The following DCST1 variants were observed in gnomAD, a reference collection of about 807,000 sequenced individuals.
The protein encoded by DCST1 is DC-STAMP domain containing 1.
Under a neutral mutation model 89.1 loss-of-function variants are expected in DCST1, and 78 were observed. The observed-to-expected ratio is 0.88, with a 90% CI of 0.73 to 1.06. The LOEUF (loss-of-function observed/expected upper bound fraction) is 1.06. Ranked by LOEUF, DCST1 falls within the 50% of genes least tolerant of loss-of-function variation. The pLI, the probability that DCST1 is intolerant of heterozygous loss-of-function variation, is 0.00. For missense variants in DCST1, 900 were observed against 928.6 expected (o/e 0.97, Z 0.40); for synonymous variants, 364 against 371.9 (o/e 0.98, Z 0.24).
chr1:155,042,985 CAAGGAGGGGGAA>C, intron 9 of DCST1, 129 bp downstream of exon 9: 6 of 1,318,522 alleles, frequency 4.6e-6, no homozygotes, highest in Non-Finnish European at 4.0e-6. Context: ...GGGAGGGGGA[CAAGGAGGGGGAA>C]TGTCGCTGGT....
intron 13 of DCST1, 85 bp downstream of exon 13, chr1:155,046,571 T>C (rs1660639205): frequency 1.4e-6 from 2 of 1,452,150 alleles, no homozygotes; most frequent in Admixed American, 1.9e-5. Flanking sequence ...CCACCCTAGT[T>C]CTTCCAACTG....
Position 155,041,595 on chromosome 1 carries a change from A to AC in DCST1, c.732dup (p.Lys245GlnfsTer20). On this transcript the variant is annotated frameshift_variant, in exon 7 of 17. Transcript: ENST00000295542. LOFTEE classifies it high-confidence loss of function. ...GACACAGAAGATGTATGAGCTGAAG[A>AC]CCAAGCTGCGTTGCTCCTGTGAGGG... The AC allele has an allele frequency of 6.2e-7, 1 of 1,614,132 alleles. No individual in the cohort carries two copies. The highest frequency in any genetic ancestry group is 1.3e-5 in the African/African-American group (1 of 75,026).
intron 4 of DCST1, among the ~76,000 whole-genome samples, chr1:155,037,873 T>A (rs1374882895): frequency 6.6e-6 from 1 of 152,274 alleles, no homozygotes; most frequent in Non-Finnish European, 1.5e-5. Context: ...ATTTGTCAAC[T>A]ATTAGCCTCA....
intron 10 of DCST1, 26 bp from the exon 11 acceptor site, chr1:155,045,867 A>T (rs1291786739): frequency 6.3e-7 from 1 of 1,588,400 alleles, no homozygotes; most frequent in Non-Finnish European, 8.6e-7. Context: ...GAAGAGATGG[A>T]GACATCCCTG....
At position 155,048,182 on chromosome 1, in the gene DCST1, C is replaced by T. The variant is rs761239214; in HGVS notation, c.1869+12C>T. ...AGCAGAAGGCTCCGGTAAGTCCAGGCGTAAGTGCTGCTGCCAGCTCCTGGC... is the reference window on the plus strand; with the variant it reads ...AGCAGAAGGCTCCGGTAAGTCCAGGTGTAAGTGCTGCTGCCAGCTCCTGGC... On this transcript the variant is annotated intron_variant, in intron 16 of 16. Transcript: ENST00000295542. 5.6e-6 allele frequency: 9 copies of T among 1,610,190 alleles called. No homozygotes were observed. Among genetic ancestry groups the T allele is most frequent in the South Asian group, 4.4e-5 (4 of 90,782 alleles).
chr1:155,040,147 C>A lies in DCST1; in HGVS notation c.392-338C>A, dbSNP rs1267660847. 5.3e-5 allele frequency among the ~76,000 whole-genome samples: 8 copies of A among 150,372 alleles called. No homozygotes were observed. The East Asian group carries it at 1.6e-3, about 30-fold the overall frequency. On this transcript the variant is annotated intron_variant, in intron 5 of 16. Coordinates refer to ENST00000295542, the MANE Select transcript of DCST1 (RefSeq NM_152494.4). The stretch of plus-strand genomic sequence containing the variant: ...GAAACCCCGTCTCTACTAAAAATAC[C>A]AAAAAATTAGCCAGACATGGTGGCG...
At chr1:155,048,286 C>T (rs138943200) in intron 16 of DCST1, 116 bp downstream of exon 16, 5 of 788,720 alleles carry the variant, frequency 6.3e-6, no homozygotes, top group Middle Eastern at 5.2e-4. Context: ...CCTACTCGAG[C>T]CTGGTAAGTT....
rs183626611 is a variant in DCST1 at position 155,044,408 on chromosome 1, G to T, written c.1172+899G>T. Reference sequence around the variant, plus strand: ...GAGGCAGGAGAATCACTGGGAGGTCGAAGCTGCAGTGAGCTGTGATTGTGC... The same window carrying T: ...GAGGCAGGAGAATCACTGGGAGGTCTAAGCTGCAGTGAGCTGTGATTGTGC... On this transcript the variant is annotated intron_variant, in intron 10 of 16. Coordinates refer to ENST00000295542, the MANE Select transcript of DCST1 (RefSeq NM_152494.4). 2.5e-4 allele frequency among the ~76,000 whole-genome samples: 37 copies of T among 145,608 alleles called. No individual in the cohort carries two copies. In the East Asian group the frequency reaches 7.6e-3, roughly 30 times the overall value.
chr1:155,044,595 G>T (rs1176430330), intron 10 of DCST1, among the ~76,000 whole-genome samples: 3 of 152,184 alleles, frequency 2.0e-5, no homozygotes, highest in Non-Finnish European at 4.4e-5. Context: ...GTGTATGGGA[G>T]CTGGGAAGGT....
rs565305818 is a variant in DCST1, at chr1:155,045,821, G to T, written c.1173-72G>T. On this transcript the variant is annotated intron_variant, in intron 10 of 16. Transcript: ENST00000295542. ...GGTTGGTTGAATGACTGTGCCTCAA[G>T]GAAGCCCATGTTTGGGGATAGATGA... 227 of 1,353,834 alleles carry T rather than the reference G, an allele frequency of 1.7e-4. 5 individuals are homozygous for T. The South Asian group carries it at 2.6e-3, about 15-fold the overall frequency. 83.9% of individuals were successfully genotyped at this position (1,353,834 alleles called of 1,614,324 possible).
intron 13 of DCST1, 88 bp downstream of exon 13, chr1:155,046,574 TC>T: frequency 7.3e-7 from 1 of 1,375,564 alleles, no homozygotes; most frequent in Non-Finnish European, 1.0e-6. Flanking sequence ...CCCTAGTTCT[TC>T]CAACTGTGCC....
intron 16 of DCST1, 32 bp from the exon 17 acceptor site, chr1:155,050,585 C>A: frequency 6.5e-7 from 1 of 1,545,134 alleles, no homozygotes. Flanking sequence ...CGCCTCGCTC[C>A]CGGGCTGGCG....
chr1:155,036,438 G>C (rs949039954), intron 4 of DCST1, among the ~76,000 whole-genome samples: 1 of 152,132 alleles, frequency 6.6e-6, no homozygotes, highest in African/African-American at 2.4e-5. Context: ...CTCTACATCA[G>C]ACTTTTAACC....
chr1:155,045,122 T>G (rs1468185624), intron 10 of DCST1: 1 of 152,310 alleles, frequency 6.6e-6, no homozygotes, highest in Non-Finnish European at 1.5e-5. Flanking sequence ...TCTTTGCACT[T>G]ACAGTAGTTT....
At chr1:155,034,615 C>T (rs560535932) in intron 3 of DCST1, 38 bp from the exon 4 acceptor site, 2 of 1,614,034 alleles carry the variant, frequency 1.2e-6, no homozygotes, top group African/African-American at 1.3e-5. Flanking sequence ...AGGGCTAGGA[C>T]CCATCTTTTG....
At chr1:155,034,128 T>C in intron 2 of DCST1, 31 bp downstream of exon 2, 1 of 1,613,194 alleles carries the variant, frequency 6.2e-7, no homozygotes. Flanking sequence ...CCAGTATCCC[T>C]TGACCTCCAC....
chr1:155,034,843 C>T, intron 4 of DCST1, 116 bp downstream of exon 4: 1 of 1,098,714 alleles, frequency 9.1e-7, no homozygotes, highest in East Asian at 2.4e-5. Context: ...TCCCCTGTGG[C>T]TTCCGCCTCC....
At chr1:155,038,167 G>A (rs779740908) in intron 4 of DCST1, among the ~76,000 whole-genome samples, 10 of 152,242 alleles carry the variant, frequency 6.6e-5, no homozygotes, top group Non-Finnish European at 1.5e-4. Context: ...AACAGCTAGG[G>A]CAAAGACCAG....
rs201798313 is a variant in DCST1 at position 155,050,763 on chromosome 1, G to A, written c.2016G>A (p.Ser672=). The change falls in exon 17 of 17, where the codon TCG becomes TCA. Residue 672 remains serine, a synonymous_variant. Transcript: ENST00000295542. The part of the protein sequence containing the change: ...TLDCEAVYCW[S]CWDDMRQRCP... ...ACTGCGAGGCCGTGTACTGCTGGTC[G>A]TGCTGGGACGACATGCGGCAGCGGT... 1.2e-6 allele frequency: 2 copies of A among 1,611,564 alleles called. No individual in the cohort carries two copies. Among genetic ancestry groups the A allele is most frequent in the Non-Finnish European group, 1.7e-6 (2 of 1,179,070 alleles).
Sources: allele counts gnomAD v4.1 joint callset (sites outside exome capture counted in the v4.1 genomes callset), GRCh38; gene constraint gnomAD v4.1.1; transcripts MANE v1.5; gene names NCBI Gene and HGNC (gene_info 2026-07-23, HGNC 2026-07-21).